The following GNA14 variants were observed in gnomAD, a reference collection of about 807,000 sequenced individuals.
GNA14 encodes the protein G protein subunit alpha 14.
A neutral mutation model predicts 42.0 loss-of-function variants in GNA14; 50 were observed. The ratio of observed to expected loss-of-function variants is 1.19; its 90% CI spans 0.95 to 1.51. GNA14 has a LOEUF of 1.51. GNA14 is among the 40% of genes most tolerant of loss of function. GNA14 has a pLI of 0.00. For synonymous variants in GNA14, 173 were observed against 163.1 expected (o/e 1.06, Z -0.46); for missense variants, 473 against 446.2 (o/e 1.06, Z -0.54).
At chr9:77,522,880 C>A (rs986459746) in intron 2 of GNA14, among the ~76,000 whole-genome samples, 5 of 152,320 alleles carry the variant, frequency 3.3e-5, no homozygotes, top group Admixed American at 2.0e-4. Flanking sequence ...ATAAAGGCAT[C>A]CACTTACCCA....
chr9:77,640,053 C>T (rs1160288762), intron 1 of GNA14, among the ~76,000 whole-genome samples: 1 of 152,198 alleles, frequency 6.6e-6, no homozygotes, highest in Admixed American at 6.5e-5. Flanking sequence ...TGATACATGT[C>T]CCCTGGCCAG....
chr9:77,465,012 A>G (rs981004122), intron 2 of GNA14, among the ~76,000 whole-genome samples: 1 of 152,200 alleles, frequency 6.6e-6, no homozygotes, highest in Admixed American at 6.5e-5. Context: ...AAGTTGAAAG[A>G]GGGAGGGAAG....
intron 1 of GNA14, among the ~76,000 whole-genome samples, chr9:77,573,045 C>G (rs763453731): frequency 5.3e-5 from 8 of 152,304 alleles, no homozygotes; most frequent in South Asian, 2.1e-4. Flanking sequence ...CTTTAATACT[C>G]TGCTTGAAAG....
chr9:77,431,526 C>G, intron 3 of GNA14, 77 bp from the exon 4 acceptor site: 1 of 1,358,678 alleles, frequency 7.4e-7, no homozygotes, highest in Non-Finnish European at 1.0e-6. Flanking sequence ...AGGAAGTCAC[C>G]CCCCACTCAC....
chr9:77,463,876 T>C (rs1311987189), intron 2 of GNA14, among the ~76,000 whole-genome samples: 1 of 152,174 alleles, frequency 6.6e-6, no homozygotes, highest in Non-Finnish European at 1.5e-5. Flanking sequence ...TAAAAGTGCA[T>C]GTATGGATTC....
chr9:77,612,851 A>G (rs1823755791), intron 1 of GNA14, among the ~76,000 whole-genome samples: 1 of 152,182 alleles, frequency 6.6e-6, no homozygotes, highest in African/African-American at 2.4e-5. Context: ...AGATCCAGAA[A>G]TCCAACTTCT....
intron 1 of GNA14, among the ~76,000 whole-genome samples, chr9:77,645,951 C>T (rs983070152): frequency 3.9e-5 from 6 of 152,134 alleles, no homozygotes; most frequent in African/African-American, 7.2e-5. Flanking sequence ...TACAAAGCCC[C>T]GCACCCATAG....
At chr9:77,478,289 G>A (rs1178080153) in intron 2 of GNA14, among the ~76,000 whole-genome samples, 1 of 147,142 alleles carries the variant, frequency 6.8e-6, no homozygotes, top group Non-Finnish European at 1.5e-5. Flanking sequence ...TTGGTTTTTT[G>A]TCCTTGTGAT....
intron 1 of GNA14, among the ~76,000 whole-genome samples, chr9:77,561,810 A>G (rs1484964671): frequency 6.6e-6 from 1 of 152,260 alleles, no homozygotes; most frequent in East Asian, 1.9e-4. Flanking sequence ...CTAGGAAGCT[A>G]GAAATTGATG....
At chr9:77,426,200 G>A (rs12343441) in intron 5 of GNA14, among the ~76,000 whole-genome samples, 39,304 of 151,890 alleles carry the variant, frequency 0.26, 5,577 homozygotes, top group African/African-American at 0.38. Context: ...AATGCTAGAA[G>A]TTGGCAGAGA....
chr9:77,552,248 TG>T (rs149712844), intron 1 of GNA14, among the ~76,000 whole-genome samples: 6,665 of 152,178 alleles, frequency 0.044, 161 homozygotes, highest in South Asian at 0.051. Flanking sequence ...ATTATTTGTT[TG>T]GTTTTTCTTT....
intron 1 of GNA14, among the ~76,000 whole-genome samples, chr9:77,622,271 T>C (rs955232926): frequency 1.3e-5 from 2 of 152,216 alleles, no homozygotes; most frequent in Non-Finnish European, 2.9e-5. Flanking sequence ...AATGAGCTCA[T>C]ATCTCTCACC....
chr9:77,583,237 C>T (rs1823253629), intron 1 of GNA14, among the ~76,000 whole-genome samples: 2 of 152,144 alleles, frequency 1.3e-5, no homozygotes, highest in Admixed American at 6.5e-5. Context: ...AGACTGAGTT[C>T]GGATATAAGG....
chr9:77,467,345 C>T (rs926909408), intron 2 of GNA14, among the ~76,000 whole-genome samples: 1 of 151,986 alleles, frequency 6.6e-6, no homozygotes, highest in African/African-American at 2.4e-5. Context: ...ACTGATAGAT[C>T]TATGTGGCTT....
chr9:77,531,461 A>G (rs924331235), intron 1 of GNA14, among the ~76,000 whole-genome samples: 1 of 152,206 alleles, frequency 6.6e-6, no homozygotes, highest in Non-Finnish European at 1.5e-5. Context: ...CCCAAGTCAG[A>G]TTAGCTCTCT....
At chr9:77,530,495 T>C (rs1837510570) in intron 1 of GNA14, among the ~76,000 whole-genome samples, 1 of 152,196 alleles carries the variant, frequency 6.6e-6, no homozygotes, top group Admixed American at 6.5e-5. Flanking sequence ...GTCTCAGGGA[T>C]TTCTTCATAG....
chr9:77,475,679 G>A (rs1329498120), intron 2 of GNA14, among the ~76,000 whole-genome samples: 2 of 152,186 alleles, frequency 1.3e-5, no homozygotes, highest in Non-Finnish European at 1.5e-5. Flanking sequence ...CATCCTCCCA[G>A]GGAAAGATCA....
intron 1 of GNA14, among the ~76,000 whole-genome samples, chr9:77,584,130 G>A (rs1190704974): frequency 6.6e-6 from 1 of 152,152 alleles, no homozygotes; most frequent in African/African-American, 2.4e-5. Flanking sequence ...GGACTCACTT[G>A]TTCATTCCCA....
intron 6 of GNA14, 149 bp from the exon 7 acceptor site, chr9:77,424,318 G>T: frequency 5.9e-6 from 3 of 505,228 alleles, no homozygotes. Context: ...TGCTTCTGGG[G>T]TTCAAGCAAT....
Sources: gnomAD v4.1 joint callset for allele counts (sites outside exome capture counted in the v4.1 genomes callset) on GRCh38, gnomAD v4.1.1 for gene constraint, MANE v1.5 for transcripts, NCBI Gene and HGNC (gene_info 2026-07-23, HGNC 2026-07-21) for gene names.